DGKD: variants seen among roughly 807,000 people sequenced by gnomAD.
The protein encoded by DGKD is diacylglycerol kinase delta.
A neutral mutation model predicts 154.4 loss-of-function variants in DGKD; 68 were observed. The ratio of observed to expected loss-of-function variants is 0.44; its 90% CI spans 0.36 to 0.54. The LOEUF (loss-of-function observed/expected upper bound fraction) is 0.54. Ranked by LOEUF, DGKD falls within the 20% of genes least tolerant of loss-of-function variation. DGKD has a pLI of 0.00. For synonymous variants in DGKD, 693 were observed against 638.0 expected, an observed-to-expected ratio of 1.09 and a Z score of -1.30; for missense variants, 1,343 against 1,593.6, an observed-to-expected ratio of 0.84 and a Z score of 2.68.
intron 1 of DGKD, among the ~76,000 whole-genome samples, chr2:233,385,444 G>C (rs1703121698): frequency 6.6e-6 from 1 of 152,312 alleles, no homozygotes; most frequent in Non-Finnish European, 1.5e-5. Flanking sequence ...TTTTCTCGGT[G>C]CTGTGTGTGT....
rs570580689 is a variant in DGKD at position 233,449,249 on chromosome 2, C to T, written c.1761C>T (p.Thr587=). The T allele has an allele frequency of 5.3e-5, 85 of 1,613,744 alleles. No individual in the cohort carries two copies. In the South Asian group the frequency reaches 6.6e-4, roughly 13 times the overall value. The change falls in exon 15 of 30, where the codon ACC becomes ACT. Residue 587 remains threonine, a synonymous_variant. Coordinates refer to ENST00000264057, the MANE Select transcript of DGKD (RefSeq NM_152879.3). This position sits in a 1 kb window ranked among gnomAD's most constrained non-coding sequence, Gnocchi z 5.3. ...GGTCGGGCAGCATCTGCGGTTCCAC[C>T]GGAGACCGCTTGGTGGCATCAGCTT... ...GDGSGSICGS[T]GDRLVASACP...
chr2:233,357,557 A>G (rs1167617094), intron 1 of DGKD, among the ~76,000 whole-genome samples: 8 of 115,830 alleles, frequency 6.9e-5, no homozygotes, highest in Admixed American at 5.7e-4. Flanking sequence ...TTTTTTTTTG[A>G]GACAAGGTCT....
Position 233,469,501 on chromosome 2 carries a change from C to T in DGKD, c.*41C>T, listed in dbSNP as rs1481923463. ...CCTGTGGCCTCCACATCCCCGCCGCCGAGGCCTAGCCTCCGCCCTCTCAGC... is the reference window on the plus strand; with the variant it reads ...CCTGTGGCCTCCACATCCCCGCCGCTGAGGCCTAGCCTCCGCCCTCTCAGC... On this transcript the variant is annotated 3_prime_UTR_variant, in exon 30 of 30. Transcript: ENST00000264057. 1.7e-5 allele frequency: 26 copies of T among 1,530,342 alleles called. No homozygotes were observed. Among genetic ancestry groups the T allele is most frequent in the African/African-American group, 5.5e-5 (4 of 73,048 alleles). The allele number at this position is 1,530,342 out of a possible 1,614,324, so 94.8% of individuals were successfully genotyped here. A position where few individuals can be genotyped will look rare whatever the true frequency, so the allele number is the denominator to read the frequency against.
intron 3 of DGKD, among the ~76,000 whole-genome samples, chr2:233,392,827 C>T (rs1703717152): frequency 1.3e-5 from 2 of 152,156 alleles, no homozygotes; most frequent in African/African-American, 4.8e-5. Context: ...AATTTCACAC[C>T]TTCAAAGTTA....
intron 3 of DGKD, among the ~76,000 whole-genome samples, chr2:233,403,144 G>C (rs1199056743): frequency 6.6e-6 from 1 of 152,194 alleles, no homozygotes; most frequent in Non-Finnish European, 1.5e-5. Context: ...AGGAGTGTCT[G>C]TTCATGTGAC....
At chr2:233,454,738 A>AT (rs2063400776) in intron 18 of DGKD, 25 bp from the exon 19 acceptor site, 1 of 1,422,258 alleles carries the variant, frequency 7.0e-7, no homozygotes, top group South Asian at 1.2e-5. Context: ...GGCTGTTGTA[A>AT]TTGATTTAAA....
intron 1 of DGKD, among the ~76,000 whole-genome samples, chr2:233,387,917 C>T (rs988522222): frequency 6.6e-6 from 1 of 152,144 alleles, no homozygotes; most frequent in African/African-American, 2.4e-5. Flanking sequence ...ATGCACTGGC[C>T]CCGCGTCCCA....
At chr2:233,367,229 C>CTT (rs11365397) in intron 1 of DGKD, among the ~76,000 whole-genome samples, 3 of 144,078 alleles carry the variant, frequency 2.1e-5, no homozygotes, top group Admixed American at 6.9e-5. Flanking sequence ...GTATTAATGA[C>CTT]TTTTTTTTTT....
intron 1 of DGKD, among the ~76,000 whole-genome samples, chr2:233,371,002 T>C (rs1702294524): frequency 7.0e-6 from 1 of 142,624 alleles, no homozygotes; most frequent in South Asian, 2.3e-4. Context: ...TCTTCTTGCC[T>C]TGGCCTCCCA....
At chr2:233,388,226 C>T in intron 1 of DGKD, 31 bp from the exon 2 acceptor site, 2 of 1,597,370 alleles carry the variant, frequency 1.3e-6, no homozygotes, top group Non-Finnish European at 1.7e-6. Flanking sequence ...CTTGAAAACG[C>T]AAGTTTATGA....
At position 233,380,617 on chromosome 2, in the gene DGKD, G is replaced by A. The variant is rs554524210; in HGVS notation, c.157-7640G>A. On this transcript the variant is annotated intron_variant, in intron 1 of 29. Coordinates refer to ENST00000264057, the MANE Select transcript of DGKD (RefSeq NM_152879.3). Reference sequence around the variant, plus strand: ...AGCCCTATGATGAAAGGTCCCCCGCGACCACCACCCCCAGTTCAGAAACAA... The same window carrying A: ...AGCCCTATGATGAAAGGTCCCCCGCAACCACCACCCCCAGTTCAGAAACAA... 7.2e-5 allele frequency among the ~76,000 whole-genome samples: 11 copies of A among 152,244 alleles called. No homozygotes were observed. In the South Asian group the frequency reaches 8.3e-4, roughly 11 times the overall value.
chr2:233,414,201 C>A (rs570936170), intron 3 of DGKD, among the ~76,000 whole-genome samples: 1 of 152,208 alleles, frequency 6.6e-6, no homozygotes, highest in South Asian at 2.1e-4. Context: ...CTGGGCCTCT[C>A]TCTTTCAGGA....
At chr2:233,466,962 G>A in intron 27 of DGKD, 124 bp from the exon 28 acceptor site, 1 of 730,400 alleles carries the variant, frequency 1.4e-6, no homozygotes, top group South Asian at 1.6e-5. Context: ...TCAGGCACAA[G>A]AGGTCTTTCC....
At chr2:233,387,634 C>T (rs947359507) in intron 1 of DGKD, among the ~76,000 whole-genome samples, 2 of 152,108 alleles carry the variant, frequency 1.3e-5, no homozygotes, top group Non-Finnish European at 2.9e-5. Context: ...CGTAAGAGAA[C>T]GTCTTGTGTT....
chr2:233,447,252 G>C (rs2971859), intron 12 of DGKD, among the ~76,000 whole-genome samples: 135,928 of 152,260 alleles, frequency 0.89, 60,966 homozygotes, highest in East Asian at 1. Context: ...CTTCGCTCAG[G>C]CTCCTCTAGT....
chr2:233,364,062 C>A (rs750247607), intron 1 of DGKD, among the ~76,000 whole-genome samples: 1 of 152,154 alleles, frequency 6.6e-6, no homozygotes, highest in African/African-American at 2.4e-5. Context: ...TGCACTCCAG[C>A]CTGGGCAACA....
chr2:233,468,702 C>G, intron 29 of DGKD, 149 bp downstream of exon 29: 4 of 1,232,388 alleles, frequency 3.2e-6, no homozygotes, highest in Non-Finnish European at 4.4e-6. Flanking sequence ...GGCTGTGGCC[C>G]TCATCTAGGC....
intron 1 of DGKD, among the ~76,000 whole-genome samples, chr2:233,357,601 G>A (rs1401412708): frequency 2.0e-5 from 3 of 149,386 alleles, no homozygotes; most frequent in Non-Finnish European, 4.4e-5. Flanking sequence ...GCAGTGGTGC[G>A]ATCTCAGCTA....
chr2:233,460,616 C>T (rs546159827), intron 24 of DGKD, among the ~76,000 whole-genome samples: 25 of 152,304 alleles, frequency 1.6e-4, no homozygotes, highest in East Asian at 5.8e-4. Flanking sequence ...CTCAGCCGGG[C>T]GCGGTGGCTC....
Sources: allele counts gnomAD v4.1 joint callset (sites outside exome capture counted in the v4.1 genomes callset), GRCh38; gene constraint gnomAD v4.1.1; non-coding constraint Gnocchi (gnomAD v3.1); transcripts MANE v1.5; gene names NCBI Gene and HGNC (gene_info 2026-07-23, HGNC 2026-07-21).